SPAG16: variants seen among roughly 807,000 people sequenced by gnomAD.
The protein encoded by SPAG16 is sperm-associated antigen 16 protein.
SPAG16 carries 86 observed loss-of-function variants against 80.4 expected under a neutral mutation model. The observed-to-expected ratio is 1.07, with a 90% confidence interval of 0.90 to 1.28. The LOEUF (loss-of-function observed/expected upper bound fraction) is 1.28, where lower values mean the gene tolerates loss of function less well. Among genes scored for constraint, SPAG16 ranks in the 50% most tolerant of loss-of-function variants. The probability of loss-of-function intolerance (pLI) is 0.00; values close to 1 mark genes in which losing one functional copy is unlikely to be tolerated. For synonymous variants in SPAG16, 294 were observed against 265.9 expected, an observed-to-expected ratio of 1.11 and a Z score of -1.03; for missense variants, 870 against 765.3, an observed-to-expected ratio of 1.14 and a Z score of -1.61.
intron 15 of SPAG16, among the ~76,000 whole-genome samples, chr2:214,153,914 T>C (rs951389291): frequency 6.6e-6 from 1 of 152,166 alleles, no homozygotes. Flanking sequence ...ACATAATGTT[T>C]TATTATCAAA....
At chr2:214,020,558 G>T (rs939292917) in intron 13 of SPAG16, among the ~76,000 whole-genome samples, 1 of 152,072 alleles carries the variant, frequency 6.6e-6, no homozygotes, top group Admixed American at 6.6e-5. Context: ...ATTAATGACT[G>T]TAATTCAGTG....
At chr2:214,370,540 C>A (rs2126086974) in intron 15 of SPAG16, among the ~76,000 whole-genome samples, 1 of 152,216 alleles carries the variant, frequency 6.6e-6, no homozygotes, top group Non-Finnish European at 1.5e-5. Context: ...AATTAGTTAA[C>A]ACATTTAACA....
At chr2:214,070,699 G>A (rs2125223677) in intron 13 of SPAG16, among the ~76,000 whole-genome samples, 1 of 151,986 alleles carries the variant, frequency 6.6e-6, no homozygotes, top group African/African-American at 2.4e-5. Flanking sequence ...ATGTAATTAA[G>A]TCTATATTAT....
At chr2:214,370,408 A>G (rs1348346205) in intron 15 of SPAG16, among the ~76,000 whole-genome samples, 1 of 152,198 alleles carries the variant, frequency 6.6e-6, no homozygotes, top group Non-Finnish European at 1.5e-5. Context: ...AGTGCTCACC[A>G]TAACATGTAT....
At chr2:213,838,150 G>T (rs1261131724) in intron 10 of SPAG16, among the ~76,000 whole-genome samples, 4 of 151,882 alleles carry the variant, frequency 2.6e-5, no homozygotes, top group Non-Finnish European at 4.4e-5. Flanking sequence ...AAAATAAAAG[G>T]CCAAAGAGTT....
intron 9 of SPAG16, among the ~76,000 whole-genome samples, chr2:213,433,027 G>A (rs2070398458): frequency 2.0e-5 from 3 of 152,148 alleles, no homozygotes; most frequent in Admixed American, 2.0e-4. Flanking sequence ...AATAAATGCA[G>A]AAAGAAGCAT....
At chr2:213,693,952 C>G (rs1190444759) in intron 10 of SPAG16, among the ~76,000 whole-genome samples, 1 of 151,432 alleles carries the variant, frequency 6.6e-6, no homozygotes, top group Non-Finnish European at 1.5e-5. Flanking sequence ...TATTTTGTTT[C>G]TGCAAGAGAA....
intron 9 of SPAG16, among the ~76,000 whole-genome samples, chr2:213,471,688 C>G (rs906186190): frequency 6.6e-6 from 1 of 152,194 alleles, no homozygotes; most frequent in African/African-American, 2.4e-5. Flanking sequence ...GGCAGAGCAG[C>G]TTGCACAGCA....
intron 11 of SPAG16, among the ~76,000 whole-genome samples, chr2:213,924,332 T>A (rs192750145): frequency 3.0e-4 from 46 of 152,344 alleles, no homozygotes; most frequent in Admixed American, 2.6e-3. Context: ...TGTACAGGTC[T>A]CTGCAGAGAG....
intron 15 of SPAG16, among the ~76,000 whole-genome samples, chr2:214,345,926 A>G (rs149487049): frequency 3.3e-5 from 5 of 152,344 alleles, no homozygotes; most frequent in African/African-American, 1.2e-4. Flanking sequence ...GGATACCATT[A>G]TAAGAATATA....
At chr2:214,316,263 G>A (rs547493468) in intron 15 of SPAG16, among the ~76,000 whole-genome samples, 1 of 151,978 alleles carries the variant, frequency 6.6e-6, no homozygotes, top group Admixed American at 6.6e-5. Context: ...TACTAGAAAT[G>A]CAACACAGCA....
intron 15 of SPAG16, among the ~76,000 whole-genome samples, chr2:214,225,486 C>T (rs1364203201): frequency 6.6e-6 from 1 of 152,010 alleles, no homozygotes; most frequent in Non-Finnish European, 1.5e-5. Flanking sequence ...GTTTTGAAGA[C>T]ATAAGAAACA....
chr2:213,730,586 A>C (rs2081724), intron 10 of SPAG16, among the ~76,000 whole-genome samples: 132,113 of 152,168 alleles, frequency 0.87, 59,692 homozygotes, highest in East Asian at 1. Context: ...TCTATAGATA[A>C]GGCATTATTT....
intron 15 of SPAG16, among the ~76,000 whole-genome samples, chr2:214,268,516 G>A (rs1227601920): frequency 6.6e-6 from 1 of 151,838 alleles, no homozygotes; most frequent in Non-Finnish European, 1.5e-5. Flanking sequence ...GCAACTAAGA[G>A]GACATTGTCT....
At position 213,871,802 on chromosome 2, in the gene SPAG16, A is replaced by G. The variant is rs190792975; in HGVS notation, c.1214+9174A>G. ...AGAAACTTCTGTGACCACACCAAAC[A>G]TGGAATACAGACTTTACTGAATTAC... On this transcript the variant is annotated intron_variant, in intron 11 of 15. Transcript: ENST00000331683. Among the ~76,000 whole-genome samples the G allele has an allele frequency of 4.0e-5, 6 of 151,562 alleles. No individual in the cohort carries two copies. The East Asian group carries it at 1.2e-3, about 30-fold the overall frequency.
Position 213,531,699 on chromosome 2 carries a change from T to C in SPAG16, c.1070+41609T>C, listed in dbSNP as rs141421257. On this transcript the variant is annotated intron_variant, in intron 10 of 15. Coordinates refer to ENST00000331683, the MANE Select transcript of SPAG16 (RefSeq NM_024532.5). ...TGTAGCTTCATTTTTCTGTTTGATA[T>C]AATGAAGACTTCAGTCTGTCTTCAT... Among the ~76,000 whole-genome samples the C allele has an allele frequency of 2.3e-4, 35 of 152,314 alleles. 1 individual carries two copies. In the East Asian group the frequency reaches 6.2e-3, roughly 27 times the overall value.
chr2:213,378,060 A>C (rs906205992), intron 9 of SPAG16, among the ~76,000 whole-genome samples: 12 of 152,076 alleles, frequency 7.9e-5, no homozygotes, highest in African/African-American at 2.7e-4. Flanking sequence ...AAGAACTTGG[A>C]GTCTGATGTT....
chr2:213,327,682 G>A (rs894689713), intron 5 of SPAG16, among the ~76,000 whole-genome samples: 5 of 151,938 alleles, frequency 3.3e-5, no homozygotes, highest in Non-Finnish European at 5.9e-5. Flanking sequence ...CAAAATAGAC[G>A]TTCACAAAAT....
At chr2:213,432,049 A>C (rs1304534934) in intron 9 of SPAG16, among the ~76,000 whole-genome samples, 3 of 152,108 alleles carry the variant, frequency 2.0e-5, no homozygotes, top group Non-Finnish European at 4.4e-5. Context: ...AAATGAAGGA[A>C]TATGAAAACA....
Sources: gnomAD v4.1 joint callset for allele counts (sites outside exome capture counted in the v4.1 genomes callset) on GRCh38, gnomAD v4.1.1 for gene constraint, MANE v1.5 for transcripts, NCBI Gene and HGNC (gene_info 2026-07-23, HGNC 2026-07-21) for gene names.